Variants in PDE7B observed in about 807,000 individuals in gnomAD.
The protein encoded by PDE7B is 3',5'-cyclic-AMP phosphodiesterase 7B.
A neutral mutation model predicts 56.2 loss-of-function variants in PDE7B; 29 were observed. That is an observed-to-expected ratio of 0.52 (90% CI 0.38 to 0.70). The LOEUF (loss-of-function observed/expected upper bound fraction) is 0.70, where lower values mean the gene tolerates loss of function less well. PDE7B is among the 30% of genes least tolerant of loss of function. PDE7B has a pLI of 0.00. For missense variants in PDE7B, 490 were observed against 565.0 expected, an observed-to-expected ratio of 0.87 and a Z score of 1.35; for synonymous variants, 197 against 196.9, an observed-to-expected ratio of 1.00 and a Z score of 0.00.
intron 1 of PDE7B, among the ~76,000 whole-genome samples, chr6:135,921,042 A>G (rs887405572): frequency 2.0e-5 from 3 of 152,326 alleles, no homozygotes; most frequent in Admixed American, 1.3e-4. Context: ...GGTAAGACAG[A>G]AAGAGCTTGG....
chr6:135,892,782 T>C (rs1775831287), intron 1 of PDE7B, among the ~76,000 whole-genome samples: 1 of 152,198 alleles, frequency 6.6e-6, no homozygotes, highest in Non-Finnish European at 1.5e-5. Flanking sequence ...TCATAGGAAT[T>C]ACAATAAGTT....
At chr6:135,883,089 CTAATA>C (rs1775639274) in intron 1 of PDE7B, among the ~76,000 whole-genome samples, 1 of 152,140 alleles carries the variant, frequency 6.6e-6, no homozygotes, top group Non-Finnish European at 1.5e-5. Context: ...TTTCTTTTTA[CTAATA>C]CACTCCATTT....
intron 2 of PDE7B, among the ~76,000 whole-genome samples, chr6:135,964,498 T>C (rs1774960028): frequency 6.6e-6 from 1 of 152,176 alleles, no homozygotes; most frequent in African/African-American, 2.4e-5. Context: ...CCCATAATCA[T>C]TGTGACTCCA....
intron 2 of PDE7B, among the ~76,000 whole-genome samples, chr6:136,078,585 GAA>G (rs11323054): frequency 1.4e-4 from 20 of 145,600 alleles, no homozygotes; most frequent in Admixed American, 2.7e-4. Context: ...TAAAAATCCT[GAA>G]AAAAAAAAAG....
chr6:135,950,311 A>G (rs1774676348), intron 2 of PDE7B, among the ~76,000 whole-genome samples: 2 of 152,162 alleles, frequency 1.3e-5, no homozygotes, highest in African/African-American at 2.4e-5. Flanking sequence ...GTTTGTTGCT[A>G]TCTTCAAAAG....
At chr6:135,938,706 G>A (rs1774459717) in intron 1 of PDE7B, among the ~76,000 whole-genome samples, 1 of 152,176 alleles carries the variant, frequency 6.6e-6, no homozygotes, top group Admixed American at 6.5e-5. Flanking sequence ...CTTGGAGAGT[G>A]CAACGTAAGA....
At position 136,191,964 on chromosome 6, in the gene PDE7B, C is replaced by G. The variant is rs1310918729; in HGVS notation, c.*124C>G. 5 of 705,462 alleles carry G rather than the reference C, an allele frequency of 7.1e-6. No individual in the cohort carries two copies. The Admixed American group carries it at 8.4e-5, about 12-fold the overall frequency. 43.7% of individuals were successfully genotyped at this position (705,462 alleles called of 1,614,324 possible). ...AGTGTTGTCCTGGGGCTCTTTGGAACGCCATCTTCCTCCCACTTACCTGCC... is the reference window on the plus strand; with the variant it reads ...AGTGTTGTCCTGGGGCTCTTTGGAAGGCCATCTTCCTCCCACTTACCTGCC... On this transcript the variant is annotated 3_prime_UTR_variant, in exon 13 of 13. Transcript: ENST00000308191.
At chr6:136,047,891 G>A (rs1562479220) in intron 2 of PDE7B, among the ~76,000 whole-genome samples, 1 of 152,162 alleles carries the variant, frequency 6.6e-6, no homozygotes, top group Non-Finnish European at 1.5e-5. Context: ...CTGATATCAA[G>A]GCAGAATGGC....
intron 2 of PDE7B, among the ~76,000 whole-genome samples, chr6:136,067,810 T>C (rs1031189301): frequency 2.0e-5 from 3 of 152,190 alleles, no homozygotes; most frequent in Non-Finnish European, 4.4e-5. Flanking sequence ...TAATTGGAGT[T>C]TGCATAATCT....
intron 9 of PDE7B, among the ~76,000 whole-genome samples, chr6:136,178,761 C>T (rs1054408503): frequency 7.9e-5 from 12 of 152,180 alleles, no homozygotes; most frequent in Admixed American, 6.5e-4. Context: ...ACTACCACAA[C>T]TTTGTTTTTC....
At chr6:136,057,324 A>G (rs1776753538) in intron 2 of PDE7B, among the ~76,000 whole-genome samples, 1 of 152,354 alleles carries the variant, frequency 6.6e-6, no homozygotes, top group Non-Finnish European at 1.5e-5. Context: ...AAGAAAAGTC[A>G]TAGAACAGAC....
At position 136,191,667 on chromosome 6, in the gene PDE7B, G is replaced by A. The variant is rs768655528; in HGVS notation, c.1180G>A (p.Gly394Ser). ...PLFREWAHFT[G>S]NSTLSENMLG... Reference sequence around the variant, plus strand: ...CTTCCGGGAATGGGCCCATTTCACGGGTAACAGCACCCTGTCGGAGAACAT... The same window carrying A: ...CTTCCGGGAATGGGCCCATTTCACGAGTAACAGCACCCTGTCGGAGAACAT... Residue 394 changes from glycine to serine, a missense_variant, in exon 13 of 13, where the codon GGT becomes AGT. By Grantham distance (56) the Gly-to-Ser change is moderately conservative. Coordinates refer to ENST00000308191, the MANE Select transcript of PDE7B (RefSeq NM_018945.4). 1 of 1,614,074 alleles carries A rather than the reference G, an allele frequency of 6.2e-7. No individual in the cohort carries two copies. The highest frequency in any genetic ancestry group is 2.2e-5 in the East Asian group (1 of 44,864).
chr6:136,063,652 C>CA (rs1025373613), intron 2 of PDE7B, among the ~76,000 whole-genome samples: 2 of 152,206 alleles, frequency 1.3e-5, no homozygotes, highest in Non-Finnish European at 2.9e-5. Flanking sequence ...CAGGGCAGGC[C>CA]ATAAGGCAGC....
At position 135,931,950 on chromosome 6, in the gene PDE7B, C is replaced by T. The variant is rs1039782852; in HGVS notation, c.22-15514C>T. Among the ~76,000 whole-genome samples, 19 of 64,092 alleles carry T rather than the reference C, an allele frequency of 3.0e-4. 1 individual carries two copies. In the East Asian group the frequency reaches 3.0e-3, roughly 10 times the overall value. 42.0% of individuals were successfully genotyped at this position (64,092 alleles called of 152,430 possible). On this transcript the variant is annotated intron_variant, in intron 1 of 12. Coordinates refer to ENST00000308191, the MANE Select transcript of PDE7B (RefSeq NM_018945.4). ...TTGTTACCGCGCACACACACACGCG[C>T]GCGCACACACACACACACACACACA...
chr6:136,167,736 A>AAT (rs1778817899), intron 8 of PDE7B, among the ~76,000 whole-genome samples: 1 of 152,210 alleles, frequency 6.6e-6, no homozygotes, highest in Non-Finnish European at 1.5e-5. Flanking sequence ...GTAAGTGCTC[A>AAT]ATATATTTGT....
At chr6:135,945,095 T>C (rs1329485574) in intron 1 of PDE7B, among the ~76,000 whole-genome samples, 1 of 135,064 alleles carries the variant, frequency 7.4e-6, no homozygotes, top group Non-Finnish European at 1.6e-5. Context: ...ATAATCACTT[T>C]AAAATACAGG....
chr6:135,906,752 A>G (rs1041221640), intron 1 of PDE7B, among the ~76,000 whole-genome samples: 1 of 143,324 alleles, frequency 7.0e-6, no homozygotes, highest in African/African-American at 2.7e-5. Flanking sequence ...TCATACAAAT[A>G]CTTTTCATAG....
chr6:136,001,776 G>T (rs370766968), intron 2 of PDE7B, among the ~76,000 whole-genome samples: 1 of 152,250 alleles, frequency 6.6e-6, no homozygotes, highest in South Asian at 2.1e-4. Context: ...AAAACACTCT[G>T]CAGGATATTA....
At chr6:136,069,302 C>A (rs1777005791) in intron 2 of PDE7B, among the ~76,000 whole-genome samples, 1 of 152,224 alleles carries the variant, frequency 6.6e-6, no homozygotes, top group African/African-American at 2.4e-5. Flanking sequence ...GGAGAAAACA[C>A]TCTCAGCATG....
Sources: gnomAD v4.1 joint callset for allele counts (sites outside exome capture counted in the v4.1 genomes callset) on GRCh38, gnomAD v4.1.1 for gene constraint, MANE v1.5 for transcripts, NCBI Gene and HGNC (gene_info 2026-07-23, HGNC 2026-07-21) for gene names.